Variants in EYS observed in about 807,000 individuals in gnomAD.
EYS encodes the protein protein eyes shut homolog.
EYS carries 250 observed loss-of-function variants against 282.1 expected under a neutral mutation model. The ratio of observed to expected loss-of-function variants is 0.89; its 90% CI spans 0.80 to 0.98. EYS has a LOEUF of 0.98. Ranked by LOEUF, EYS falls within the 50% of genes least tolerant of loss-of-function variation. The pLI, the probability that EYS is intolerant of heterozygous loss-of-function variation, is 0.00. For missense variants in EYS, 4,016 were observed against 3,709.0 expected (o/e 1.08, Z -2.15); for synonymous variants, 1,355 against 1,282.9 (o/e 1.06, Z -1.20).
intron 32 of EYS, among the ~76,000 whole-genome samples, chr6:64,079,273 G>A (rs1040096160): frequency 1.3e-5 from 2 of 151,940 alleles, no homozygotes; most frequent in African/African-American, 2.4e-5. Context: ...TTAAACATGG[G>A]TGCCTCTGCT....
At chr6:65,332,261 T>C (rs1769823065) in intron 11 of EYS, 1 of 659,520 alleles carries the variant, frequency 1.5e-6, no homozygotes, top group South Asian at 1.8e-5. Flanking sequence ...ATGCATTTTC[T>C]TCTTTATTTA....
chr6:64,388,212 A>T (rs1390817242), intron 29 of EYS, among the ~76,000 whole-genome samples: 2 of 152,124 alleles, frequency 1.3e-5, no homozygotes, highest in African/African-American at 4.8e-5. Context: ...TCTAAATGGA[A>T]ATTTAAAGAG....
At chr6:65,266,958 A>G (rs889187580) in intron 12 of EYS, among the ~76,000 whole-genome samples, 1 of 144,958 alleles carries the variant, frequency 6.9e-6, no homozygotes, top group Admixed American at 6.9e-5. Context: ...ATATATATGC[A>G]CACACACACA....
At chr6:65,429,757 T>G (rs61296663) in intron 5 of EYS, among the ~76,000 whole-genome samples, 29,859 of 151,894 alleles carry the variant, frequency 0.2, 4,315 homozygotes, top group East Asian at 0.42. Context: ...ATGATGAGTT[T>G]CCAAAAACAG....
intron 12 of EYS, among the ~76,000 whole-genome samples, chr6:65,098,625 T>A (rs1187352181): frequency 1.3e-5 from 2 of 150,802 alleles, no homozygotes; most frequent in East Asian, 3.9e-4. Flanking sequence ...TGAATACAAC[T>A]CCCAAGAAGC....
chr6:65,206,804 G>C (rs748786862), intron 12 of EYS, among the ~76,000 whole-genome samples: 2 of 151,756 alleles, frequency 1.3e-5, no homozygotes, highest in Non-Finnish European at 3.0e-5. Context: ...TTCAGAAAAA[G>C]TATTTGATAA....
chr6:65,089,817 A>C (rs1015923770), intron 12 of EYS, among the ~76,000 whole-genome samples: 1 of 151,612 alleles, frequency 6.6e-6, no homozygotes, highest in African/African-American at 2.4e-5. Flanking sequence ...TTAGCCGGGT[A>C]TGGTGGCATG....
chr6:64,291,888 G>C (rs1401253682), intron 30 of EYS, among the ~76,000 whole-genome samples: 1 of 152,054 alleles, frequency 6.6e-6, no homozygotes, highest in Non-Finnish European at 1.5e-5. Flanking sequence ...AAATATATAT[G>C]AAGATGGCTG....
intron 31 of EYS, among the ~76,000 whole-genome samples, chr6:64,204,736 G>A (rs568672201): frequency 1.2e-4 from 19 of 152,202 alleles, no homozygotes; most frequent in Non-Finnish European, 2.6e-4. Context: ...AAAGTTTCTG[G>A]AATCATGTTT....
Position 65,271,128 on chromosome 6 carries a change from TTATATA to T in EYS, c.2023+24729_2023+24734del, listed in dbSNP as rs70999188. Among the ~76,000 whole-genome samples the T allele has an allele frequency of 4.1e-4, 23 of 55,784 alleles. 2 individuals are homozygous for T. Among genetic ancestry groups the T allele is most frequent in the East Asian group, 8.8e-4 (1 of 1,130 alleles). 36.6% of individuals were successfully genotyped at this position (55,784 alleles called of 152,430 possible). A position where few individuals can be genotyped will look rare whatever the true frequency, so the allele number is the denominator to read the frequency against. ...TCTCCAGAGAAACAGAATCAATAGA[TTATATA>T]TATATATATATATATATATGAAGAT... On this transcript the variant is annotated intron_variant, in intron 12 of 42. Coordinates refer to ENST00000503581, the MANE Select transcript of EYS (RefSeq NM_001142800.2).
chr6:65,310,498 T>C, intron 11 of EYS, among the ~76,000 whole-genome samples: 1 of 152,090 alleles, frequency 6.6e-6, no homozygotes, highest in East Asian at 1.9e-4. Flanking sequence ...GGTTAGTCTG[T>C]TTGACTAACC....
intron 2 of EYS, among the ~76,000 whole-genome samples, chr6:65,554,088 A>G (rs893043588): frequency 1.3e-5 from 2 of 152,114 alleles, no homozygotes; most frequent in African/African-American, 4.8e-5. Flanking sequence ...GGATATGAGA[A>G]GACGGCAATT....
At chr6:64,265,565 A>G (rs1301285264) in intron 30 of EYS, among the ~76,000 whole-genome samples, 1 of 152,178 alleles carries the variant, frequency 6.6e-6, no homozygotes, top group Admixed American at 6.6e-5. Context: ...TTAACAAACC[A>G]GTTTTGAACA....
At chr6:65,218,283 T>A (rs1350318516) in intron 12 of EYS, among the ~76,000 whole-genome samples, 1 of 152,144 alleles carries the variant, frequency 6.6e-6, no homozygotes, top group Non-Finnish European at 1.5e-5. Context: ...CTGATAGGGA[T>A]ACATAAGACC....
At chr6:64,379,312 T>A (rs1352060726) in intron 29 of EYS, among the ~76,000 whole-genome samples, 1 of 152,168 alleles carries the variant, frequency 6.6e-6, no homozygotes, top group Non-Finnish European at 1.5e-5. Context: ...TAGACCACAC[T>A]GCAAAATTAA....
At chr6:64,004,080 T>A (rs574177046) in intron 33 of EYS, among the ~76,000 whole-genome samples, 1 of 152,234 alleles carries the variant, frequency 6.6e-6, no homozygotes, top group South Asian at 2.1e-4. Flanking sequence ...GTAGAACTTA[T>A]GTTAGACATT....
At chr6:65,446,549 T>G (rs553094616) in intron 5 of EYS, among the ~76,000 whole-genome samples, 1 of 151,982 alleles carries the variant, frequency 6.6e-6, no homozygotes, top group East Asian at 1.9e-4. Flanking sequence ...AGCTGTTAAG[T>G]TCACAGTGAT....
At chr6:65,193,393 A>G (rs756752386) in intron 12 of EYS, among the ~76,000 whole-genome samples, 2 of 151,826 alleles carry the variant, frequency 1.3e-5, no homozygotes. Context: ...AAACTTGGCT[A>G]GTTTTCACCC....
chr6:65,022,051 G>A (rs1772266514), intron 13 of EYS, among the ~76,000 whole-genome samples: 1 of 152,198 alleles, frequency 6.6e-6, no homozygotes, highest in Non-Finnish European at 1.5e-5. Flanking sequence ...TGAGATATGG[G>A]TGGGAACACA....
Sources: gnomAD v4.1 joint callset for allele counts (sites outside exome capture counted in the v4.1 genomes callset) on GRCh38, gnomAD v4.1.1 for gene constraint, MANE v1.5 for transcripts, NCBI Gene and HGNC (gene_info 2026-07-23, HGNC 2026-07-21) for gene names.